The following CKM variants were observed in gnomAD, a reference collection of about 807,000 sequenced individuals.
CKM encodes the protein creatine kinase M-type.
Under a neutral mutation model 35.4 loss-of-function variants are expected in CKM, and 28 were observed. The observed-to-expected ratio is 0.79, with a 90% CI of 0.59 to 1.08. CKM has a LOEUF of 1.08. Among genes scored for constraint, CKM ranks in the 50% least tolerant of loss-of-function variants. The probability of loss-of-function intolerance (pLI) is 0.00; values close to 1 mark genes in which losing one functional copy is unlikely to be tolerated. For synonymous variants in CKM, 215 were observed against 204.4 expected (o/e 1.05, Z -0.44); for missense variants, 484 against 509.8 (o/e 0.95, Z 0.49).
chr19:45,308,536 G>C lies in CKM; in HGVS notation c.654-4C>G, dbSNP rs1437393723. 1.2e-6 allele frequency: 2 copies of C among 1,614,086 alleles called. No individual in the cohort carries two copies. Among genetic ancestry groups the C allele is most frequent in the Non-Finnish European group, 1.7e-6 (2 of 1,179,980 alleles). On this transcript the variant is annotated splice_polypyrimidine_tract_variant and splice_region_variant and intron_variant, in intron 5 of 7. Coordinates refer to ENST00000221476, the MANE Select transcript of CKM (RefSeq NM_001824.5). ...GAAGCTCTTGTTGTCATTGTGCCTA[G>C]AGTAAGGTGCCGCAGCAAGAGGCCA...
chr19:45,306,929 C>A lies in CKM; in HGVS notation c.968-1G>T. 1 of 1,613,628 alleles carries A rather than the reference C, an allele frequency of 6.2e-7. No individual in the cohort carries two copies. Among genetic ancestry groups the A allele is most frequent in the Admixed American group, 1.7e-5 (1 of 60,024 alleles). ...CCCACGGCAGCTGTGTCCACGCCAC[C>A]TGTGGGAGCAAGGGACAGGGGCGTG... On this transcript the variant is annotated splice_acceptor_variant, in intron 7 of 7. Transcript: ENST00000221476. LOFTEE classifies it high-confidence loss of function. This position sits in a 1 kb window ranked among gnomAD's most constrained non-coding sequence, Gnocchi z 4.5.
intron 1 of CKM, among the ~76,000 whole-genome samples, chr19:45,322,595 G>C (rs903861833): frequency 1.3e-5 from 2 of 152,132 alleles, no homozygotes; most frequent in Non-Finnish European, 2.9e-5. Flanking sequence ...CCCAAGACTT[G>C]TGCCGCAGAA....
At chr19:45,321,063 AT>A (rs35089528) in intron 1 of CKM, among the ~76,000 whole-genome samples, 4,014 of 142,508 alleles carry the variant, frequency 0.028, 84 homozygotes, top group Middle Eastern at 0.077. Flanking sequence ...ACACCTGGCT[AT>A]TTTTTTTTTT....
intron 4 of CKM, among the ~76,000 whole-genome samples, chr19:45,315,253 T>G (rs1228718462): frequency 6.6e-6 from 1 of 152,162 alleles, no homozygotes; most frequent in Admixed American, 6.6e-5. Flanking sequence ...TGCGTAGGTC[T>G]TCTCAGGGGC....
chr19:45,309,245 A>AAAG (rs1971085054), intron 5 of CKM, among the ~76,000 whole-genome samples: 1 of 141,364 alleles, frequency 7.1e-6, no homozygotes, highest in Non-Finnish European at 1.6e-5. Flanking sequence ...AAAAAAAAAA[A>AAAG]GAACATAAAA....
At chr19:45,316,175 C>T (rs1971156156) in intron 3 of CKM, among the ~76,000 whole-genome samples, 1 of 151,568 alleles carries the variant, frequency 6.6e-6, no homozygotes, top group Non-Finnish European at 1.5e-5. Flanking sequence ...ACTAAAAATA[C>T]AAAAATTAGC....
Position 45,315,552 on chromosome 19 carries a change from G to C in CKM, c.394C>G (p.Arg132Gly). The C allele has an allele frequency of 6.2e-7, 1 of 1,603,508 alleles. No individual in the cohort carries two copies. Among genetic ancestry groups the C allele is most frequent in the Non-Finnish European group, 8.5e-7 (1 of 1,179,958 alleles). Residue 132 changes from arginine (R) to glycine (G), a missense_variant, in exon 4 of 8, where the codon CGC (arginine) becomes GGC (glycine). By Grantham distance (125) the Arg-to-Gly change is moderately radical (BLOSUM62 -2). Transcript: ENST00000221476. ...TAGCCCTTGATGCTGCGGCCAGTGC[G>C]GACGCGGCTGCTGAGCACGTAGTTA... ...DPNYVLSSRV[R>G]TGRSIKGYTL...
At chr19:45,319,981 G>A (rs1051485203) in intron 1 of CKM, among the ~76,000 whole-genome samples, 96 of 151,790 alleles carry the variant, frequency 6.3e-4, no homozygotes, top group African/African-American at 2.3e-3. Flanking sequence ...AGTAGAGACG[G>A]GGTTTCACCA....
intron 7 of CKM, 99 bp downstream of exon 7, chr19:45,307,362 G>C: frequency 8.7e-7 from 1 of 1,154,452 alleles, no homozygotes; most frequent in Non-Finnish European, 1.3e-6. Context: ...GCCCTTGCCG[G>C]ATCCCCAGAA....
Position 45,307,496 on chromosome 19 carries a change from A to T in CKM, c.932T>A (p.Ile311Asn), listed in dbSNP as rs768246830. Reference protein sequence around the residue: ...HLSKHPKFEEILTRLRLQKRG... With the variant: ...HLSKHPKFEENLTRLRLQKRG... Reference sequence around the variant, plus strand: ...CTTCTGCAGACGCAGGCGGGTGAGGATCTCCTCGAACTTGGGGTGCTTGCT... The same window carrying T: ...CTTCTGCAGACGCAGGCGGGTGAGGTTCTCCTCGAACTTGGGGTGCTTGCT... Residue 311 changes from isoleucine to asparagine, a missense_variant, in exon 7 of 8, where the codon ATC becomes AAC. Transcript: ENST00000221476. The T allele has an allele frequency of 2.5e-6, 4 of 1,613,772 alleles. No homozygotes were observed. Among genetic ancestry groups the T allele is most frequent in the Non-Finnish European group, 3.4e-6 (4 of 1,179,850 alleles).
At chr19:45,320,334 T>C (rs1162363164) in intron 1 of CKM, among the ~76,000 whole-genome samples, 1 of 151,818 alleles carries the variant, frequency 6.6e-6, no homozygotes, top group Non-Finnish European at 1.5e-5. Flanking sequence ...TGGCCTCAAG[T>C]GATCCACCCG....
intron 5 of CKM, among the ~76,000 whole-genome samples, chr19:45,309,034 T>C (rs1971082205): frequency 6.8e-6 from 1 of 147,856 alleles, no homozygotes; most frequent in Non-Finnish European, 1.5e-5. Flanking sequence ...GACACCATCC[T>C]GGCTAACACG....
chr19:45,308,400 G>C lies in CKM; in HGVS notation c.777+9C>G, dbSNP rs1971075631. 2 of 1,614,158 alleles carry C rather than the reference G, an allele frequency of 1.2e-6. No individual in the cohort carries two copies. The highest frequency in any genetic ancestry group is 1.7e-6 in the Non-Finnish European group (2 of 1,180,016). On this transcript the variant is annotated intron_variant, in intron 6 of 7. Coordinates refer to ENST00000221476, the MANE Select transcript of CKM (RefSeq NM_001824.5). Reference sequence around the variant, plus strand: ...AGTCAGAAGTCAGCAGCTAAGGGCAGACACCCACCTTCTGCAGCCCTACGC... The same window carrying C: ...AGTCAGAAGTCAGCAGCTAAGGGCACACACCCACCTTCTGCAGCCCTACGC...
chr19:45,309,062 C>T (rs1323890001), intron 5 of CKM, among the ~76,000 whole-genome samples: 5 of 150,938 alleles, frequency 3.3e-5, no homozygotes, highest in Non-Finnish European at 7.4e-5. Flanking sequence ...CCTGTCTCTA[C>T]TAAAAAATAC....
At chr19:45,313,443 G>A (rs901744029) in intron 4 of CKM, among the ~76,000 whole-genome samples, 2 of 152,092 alleles carry the variant, frequency 1.3e-5, no homozygotes, top group Non-Finnish European at 2.9e-5. Flanking sequence ...TTGAGCCTCC[G>A]TATTCCCTGA....
intron 3 of CKM, among the ~76,000 whole-genome samples, chr19:45,316,476 T>C (rs1376252259): frequency 6.7e-6 from 1 of 148,488 alleles, no homozygotes; most frequent in Non-Finnish European, 1.5e-5. Context: ...ATTTTTAGGC[T>C]TTTTTTTTTC....
rs1298610677 is a variant in CKM at position 45,319,424 on chromosome 19, AG to A, written c.193+96del. 7.8e-6 allele frequency: 7 copies of A among 900,974 alleles called. No homozygotes were observed. The East Asian group carries it at 1.6e-4, about 20-fold the overall frequency. 55.8% of individuals were successfully genotyped at this position (900,974 alleles called of 1,614,324 possible). ...CCCCATTTTACAGATGAGAAAACTG[AG>A]GCCCCCCCCCCTTCAAGGGTGGTGG... On this transcript the variant is annotated intron_variant, in intron 2 of 7. Coordinates refer to ENST00000221476, the MANE Select transcript of CKM (RefSeq NM_001824.5).
intron 3 of CKM, 27 bp downstream of exon 3, chr19:45,317,798 G>A: frequency 1.2e-6 from 2 of 1,613,242 alleles, no homozygotes; most frequent in Non-Finnish European, 1.7e-6. Flanking sequence ...TCACCCCTCG[G>A]CCCTCCCCTC....
At chr19:45,307,804 C>A (rs1457676084) in intron 6 of CKM, among the ~76,000 whole-genome samples, 154 bp from the exon 7 acceptor site, 1 of 150,384 alleles carries the variant, frequency 6.6e-6, no homozygotes, top group Non-Finnish European at 1.5e-5. Flanking sequence ...AGGGTGCTGG[C>A]TAGACAATGG....
Sources: gnomAD v4.1 joint callset for allele counts (sites outside exome capture counted in the v4.1 genomes callset) on GRCh38, gnomAD v4.1.1 for gene constraint, Gnocchi (gnomAD v3.1) non-coding constraint, MANE v1.5 for transcripts, NCBI Gene and HGNC (gene_info 2026-07-23, HGNC 2026-07-21) for gene names.